MEPE: variants seen among roughly 807,000 people sequenced by gnomAD.
MEPE encodes the protein matrix, extracellular phosphoglycoprotein with ASARM motif (bone).
Under a neutral mutation model 7.3 loss-of-function variants are expected in MEPE, and 7 were observed. The observed-to-expected ratio is 0.95, with a 90% CI of 0.54 to 1.79. The LOEUF is 1.79. Among genes scored for constraint, MEPE ranks in the 40% most tolerant of loss-of-function variants. The pLI is 0.00. For synonymous variants in MEPE, 214 were observed against 213.1 expected (o/e 1.00, Z -0.04); for missense variants, 623 against 628.2 (o/e 0.99, Z 0.09).
intron 3 of MEPE, among the ~76,000 whole-genome samples, chr4:87,841,097 AC>A (rs1722997693): frequency 6.6e-6 from 1 of 152,226 alleles, no homozygotes; most frequent in African/African-American, 2.4e-5. Context: ...TAAAATGCAC[AC>A]AATTCATTAG....
chr4:87,836,413 A>ATG (rs34833616), intron 2 of MEPE, among the ~76,000 whole-genome samples: 25,511 of 150,120 alleles, frequency 0.17, 2,207 homozygotes, highest in Non-Finnish European at 0.2. Context: ...TCTAATCCAT[A>ATG]TGTGTGTGTG....
In MEPE at chr4:87,846,628, C is replaced by A; in HGVS notation, c.*182C>A. On this transcript the variant is annotated 3_prime_UTR_variant, in exon 4 of 4. Transcript: ENST00000361056. ...ATCTTAATAGTCACAGTATAAAATT[C>A]TATTAAAGGCTATAATGTTTTTAAG... is the stretch of plus-strand genomic sequence containing the variant. The A allele has an allele frequency of 5.4e-6, 3 of 556,974 alleles. No homozygotes were observed. Among genetic ancestry groups the A allele is most frequent in the South Asian group, 3.3e-5 (1 of 30,292 alleles). The allele number at this position is 556,974 out of a possible 1,614,324, so 34.5% of individuals were successfully genotyped here.
upstream of MEPE, among the ~76,000 whole-genome samples, chr4:87,831,585 G>T (rs1722600311): frequency 6.6e-6 from 1 of 152,246 alleles, no homozygotes; most frequent in African/African-American, 2.4e-5. Context: ...GAGCTTCCTA[G>T]CCATTCTCTC....
At chr4:87,837,954 A>G (rs1722863363) in intron 2 of MEPE, among the ~76,000 whole-genome samples, 1 of 152,052 alleles carries the variant, frequency 6.6e-6, no homozygotes, top group African/African-American at 2.4e-5. Context: ...TCTGCGCTTC[A>G]ATAGCTACCC....
At chr4:87,830,025 G>C (rs1722562687), upstream of MEPE, among the ~76,000 whole-genome samples, 1 of 152,046 alleles carries the variant, frequency 6.6e-6, no homozygotes, top group Admixed American at 6.6e-5. Flanking sequence ...ACTCAAGTCT[G>C]TTTGCCTCCA....
chr4:87,834,034 A>G (rs1044195215), intron 1 of MEPE, among the ~76,000 whole-genome samples: 2 of 152,234 alleles, frequency 1.3e-5, no homozygotes, highest in African/African-American at 2.4e-5. Flanking sequence ...TTCCTAATCT[A>G]TACAACAGGC....
intron 1 of MEPE, among the ~76,000 whole-genome samples, chr4:87,833,546 G>T (rs571925815): frequency 6.6e-6 from 1 of 152,114 alleles, no homozygotes; most frequent in African/African-American, 2.4e-5. Context: ...CCAAATACCA[G>T]CTTTTCCTTG....
intron 1 of MEPE, among the ~76,000 whole-genome samples, chr4:87,825,688 G>A (rs577651841): frequency 1.9e-4 from 29 of 152,252 alleles, no homozygotes; most frequent in African/African-American, 6.0e-4. Context: ...ATTTTTAACC[G>A]ACTATCTTTT....
At chr4:87,832,731 A>T (rs990357538), upstream of MEPE, among the ~76,000 whole-genome samples, 18 of 152,210 alleles carry the variant, frequency 1.2e-4, no homozygotes, top group African/African-American at 4.3e-4. Flanking sequence ...AATTTTGATT[A>T]TCTGACAACA....
In MEPE at chr4:87,840,062, T is replaced by C. The variant is rs184435358; in HGVS notation, c.108+1377T>C. 4.0e-4 allele frequency: 606 copies of C among 1,533,572 alleles called. 8 individuals carry two copies. In the Admixed American group the frequency reaches 0.011, roughly 28 times the overall value. 95.0% of individuals were successfully genotyped at this position (1,533,572 alleles called of 1,614,324 possible). On this transcript the variant is annotated intron_variant, in intron 3 of 3. Coordinates refer to ENST00000361056, the MANE Select transcript of MEPE (RefSeq NM_020203.6). ...GATACTCATGGACCTCAGGTGCCCA[T>C]GGACTGCTGTGTTACTGCTTCTGAG...
Position 87,834,766 on chromosome 4 carries a change from C to A in MEPE, c.52C>A (p.Pro18Thr), listed in dbSNP as rs1005711644. Residue 18 changes from proline (P) to threonine (T), a missense_variant and splice_region_variant, in exon 2 of 4, where the codon CCA becomes ACA. Pro to Thr is a conservative substitution (Grantham distance 38). Transcript: ENST00000361056. Reference sequence around the variant, plus strand: ...CCTTTTCAGTGTGACCTGGGCAGCACCAGTAAGTATTTACAAATTCAATTA... The same window carrying A: ...CCTTTTCAGTGTGACCTGGGCAGCAACAGTAAGTATTTACAAATTCAATTA... Reference protein sequence around the residue: ...LLLFSVTWAAPTFQPQTEKTK... With the variant: ...LLLFSVTWAATTFQPQTEKTK... 3 of 1,610,358 alleles carry A rather than the reference C, an allele frequency of 1.9e-6. No homozygotes were observed. Among genetic ancestry groups the A allele is most frequent in the Non-Finnish European group, 2.5e-6 (3 of 1,178,450 alleles).
upstream of MEPE, among the ~76,000 whole-genome samples, chr4:87,832,057 G>A (rs1189827193): frequency 1.3e-5 from 2 of 151,928 alleles, no homozygotes; most frequent in East Asian, 3.9e-4. Context: ...TTCCAATTTG[G>A]CACCTTGCTA....
At chr4:87,822,424 G>T (rs906779809) in intron 1 of MEPE, among the ~76,000 whole-genome samples, 23 of 152,120 alleles carry the variant, frequency 1.5e-4, no homozygotes, top group African/African-American at 4.6e-4. Flanking sequence ...CAGCAGTGTG[G>T]TTGGTAACTG....
Position 87,826,029 on chromosome 4 carries a change from A to G in MEPE, c.-13+4558A>G, listed in dbSNP as rs566386448. 7.2e-5 allele frequency among the ~76,000 whole-genome samples: 11 copies of G among 152,122 alleles called. No individual in the cohort carries two copies. The South Asian group carries it at 2.1e-3, about 29-fold the overall frequency. ...AGAGGACATGATCTCATTCTTTTTTATGGCTGCATAGTATTCCATGGTGTA... is the reference window on the plus strand; with the variant it reads ...AGAGGACATGATCTCATTCTTTTTTGTGGCTGCATAGTATTCCATGGTGTA... On this transcript the variant is annotated intron_variant, in intron 1 of 3. Transcript: ENST00000424957.
At position 87,845,611 on chromosome 4, in the gene MEPE, G is replaced by A; in HGVS notation, c.743G>A (p.Gly248Glu). The change falls in exon 4 of 4, where the codon GGG becomes GAG. Residue 248 changes from glycine to glutamate, a missense_variant. Physicochemically the swap from Gly to Glu is moderately conservative, Grantham distance 98. Transcript: ENST00000361056. ...GGTTATACAGATCTTCAAGAGAGAG[G>A]GGACAATGATATATCTCCTTTCAGT... ...GSGYTDLQER[G>E]DNDISPFSGD... The A allele has an allele frequency of 1.2e-6, 2 of 1,613,668 alleles. No homozygotes were observed. The highest frequency in any genetic ancestry group is 1.1e-5 in the South Asian group (1 of 90,956).
intron 1 of MEPE, among the ~76,000 whole-genome samples, chr4:87,821,794 G>A (rs1226796743): frequency 1.3e-5 from 2 of 152,070 alleles, no homozygotes; most frequent in Non-Finnish European, 2.9e-5. Flanking sequence ...ATAGAAGCAG[G>A]GGCAACCAGA....
intron 3 of MEPE, 88 bp downstream of exon 3, chr4:87,838,773 CTT>C: frequency 8.3e-7 from 1 of 1,197,618 alleles, no homozygotes; most frequent in Non-Finnish European, 1.2e-6. Flanking sequence ...TCAAAATAGT[CTT>C]GGGCACTTTG....
At chr4:87,835,917 A>T (rs1417225728) in intron 2 of MEPE, among the ~76,000 whole-genome samples, 4 of 152,098 alleles carry the variant, frequency 2.6e-5, no homozygotes, top group Non-Finnish European at 5.9e-5. Context: ...GTGCTATGTC[A>T]ACATTGATTC....
At chr4:87,832,251 T>C (rs28460492), upstream of MEPE, among the ~76,000 whole-genome samples, 261 of 152,276 alleles carry the variant, frequency 1.7e-3, no homozygotes, top group Non-Finnish European at 2.1e-3. Context: ...ACCTTGGGTT[T>C]AAGTTCTAAC....
Sources: allele counts gnomAD v4.1 joint callset (sites outside exome capture counted in the v4.1 genomes callset), GRCh38; gene constraint gnomAD v4.1.1; transcripts MANE v1.5; gene names NCBI Gene and HGNC (gene_info 2026-07-23, HGNC 2026-07-21).